The following TJP2 variants were observed in gnomAD, a reference collection of about 807,000 sequenced individuals.
TJP2 encodes tight junction protein 2.
A neutral mutation model predicts 133.1 loss-of-function variants in TJP2; 91 were observed. That is an observed-to-expected ratio of 0.68 (90% CI 0.58 to 0.81). The LOEUF is 0.81. TJP2 is among the 40% of genes least tolerant of loss of function. The probability of loss-of-function intolerance (pLI) is 0.00; values close to 1 mark genes in which losing one functional copy is unlikely to be tolerated. For missense variants in TJP2, 1,541 were observed against 1,565.6 expected, an observed-to-expected ratio of 0.98 and a Z score of 0.26; for synonymous variants, 592 against 583.4, an observed-to-expected ratio of 1.01 and a Z score of -0.21.
intron 2 of TJP2, among the ~76,000 whole-genome samples, chr9:69,163,992 G>C (rs1824222475): frequency 6.6e-6 from 1 of 152,114 alleles, no homozygotes; most frequent in Non-Finnish European, 1.5e-5. Context: ...AGGGACCTAG[G>C]ACACTGGTTT....
chr9:69,228,644 A>G (rs1829531834), intron 9 of TJP2, among the ~76,000 whole-genome samples: 1 of 152,240 alleles, frequency 6.6e-6, no homozygotes, highest in South Asian at 2.1e-4. Flanking sequence ...ACTTAATTCC[A>G]GAGGGTGGCT....
At chr9:69,201,506 C>T (rs1299109893) in intron 1 of TJP2, among the ~76,000 whole-genome samples, 5 of 152,104 alleles carry the variant, frequency 3.3e-5, no homozygotes, top group Non-Finnish European at 7.3e-5. Context: ...CCCTGGCCAA[C>T]CTGCCTTGAT....
At chr9:69,201,741 A>G (rs2133126334) in intron 1 of TJP2, among the ~76,000 whole-genome samples, 1 of 152,344 alleles carries the variant, frequency 6.6e-6, no homozygotes, top group African/African-American at 2.4e-5. Context: ...TAAACAAAAT[A>G]TGTCATATAC....
chr9:69,215,564 C>A (rs1349365880), intron 2 of TJP2, among the ~76,000 whole-genome samples: 1 of 151,846 alleles, frequency 6.6e-6, no homozygotes, highest in East Asian at 1.9e-4. Context: ...TTTTCTATTT[C>A]TAGTAAAGAC....
intron 15 of TJP2, 110 bp downstream of exon 15, chr9:69,238,083 G>T: frequency 1.3e-6 from 1 of 767,076 alleles, no homozygotes. Context: ...GGAATCACCA[G>T]TTGCTGACAT....
chr9:69,133,161 C>T (rs1187496484), intron 1 of TJP2, among the ~76,000 whole-genome samples: 1 of 152,094 alleles, frequency 6.6e-6, no homozygotes, highest in African/African-American at 2.4e-5. Flanking sequence ...AGGGTTTTAC[C>T]ATATTGCCCA....
intron 1 of TJP2, among the ~76,000 whole-genome samples, chr9:69,183,825 C>T (rs186282013): frequency 7.2e-5 from 11 of 152,260 alleles, no homozygotes; most frequent in Non-Finnish European, 1.5e-4. Flanking sequence ...ACCTGTGCCT[C>T]CCAGGTTCAA....
chr9:69,132,171 C>T (rs1411190689), intron 1 of TJP2, among the ~76,000 whole-genome samples: 1 of 152,220 alleles, frequency 6.6e-6, no homozygotes, highest in African/African-American at 2.4e-5. Context: ...GATTGTTACA[C>T]TGGTGTCCTC....
chr9:69,123,806 C>T (rs138407063), intron 1 of TJP2, among the ~76,000 whole-genome samples: 2,325 of 77,206 alleles, frequency 0.03, 859 homozygotes, highest in African/African-American at 0.085. Flanking sequence ...TAACTGGCCT[C>T]ATTTTAGGTG....
At chr9:69,250,438 T>C (rs533135443) in intron 20 of TJP2, among the ~76,000 whole-genome samples, 1 of 152,290 alleles carries the variant, frequency 6.6e-6, no homozygotes, top group South Asian at 2.1e-4. Flanking sequence ...AAAGCCATAA[T>C]TGATTGTGTG....
chr9:69,144,166 A>G (rs1261192610), intron 1 of TJP2, among the ~76,000 whole-genome samples: 1 of 152,112 alleles, frequency 6.6e-6, no homozygotes, highest in Non-Finnish European at 1.5e-5. Flanking sequence ...CGTGCCCAGC[A>G]ACACTCAAAT....
In TJP2 at chr9:69,239,965, C is replaced by T. The variant is rs139867659; in HGVS notation, c.2384C>T (p.Pro795Leu). Residue 795 changes from proline to leucine, a missense_variant, in exon 17 of 23, where the codon CCG becomes CTG. Physicochemically the swap from Pro to Leu is moderately conservative, Grantham distance 98. Coordinates refer to ENST00000377245, the MANE Select transcript of TJP2 (RefSeq NM_004817.4). Reference protein sequence around the residue: ...QDKHALLDVTPKAVDLLNYTQ... With the variant: ...QDKHALLDVTLKAVDLLNYTQ... ...AAGCATGCACTACTGGATGTGACTCCGAAAGCTGTGGACCTGTTGAATTAC... is the reference window on the plus strand; with the variant it reads ...AAGCATGCACTACTGGATGTGACTCTGAAAGCTGTGGACCTGTTGAATTAC... The T allele has an allele frequency of 1.8e-4, 297 of 1,614,120 alleles. 3 individuals are homozygous for T. In the South Asian group the frequency reaches 2.6e-3, roughly 14 times the overall value.
intron 2 of TJP2, 119 bp from the exon 3 acceptor site, chr9:69,216,220 C>T: frequency 8.3e-7 from 1 of 1,205,952 alleles, no homozygotes. Flanking sequence ...TCTGTAAGCC[C>T]ATCTGTTCCT....
chr9:69,237,158 T>A, intron 14 of TJP2, 22 bp downstream of exon 14: 1 of 1,613,814 alleles, frequency 6.2e-7, no homozygotes, highest in Non-Finnish European at 8.5e-7. Flanking sequence ...ACATGGGGCC[T>A]GGAAATGAAC....
At chr9:69,148,740 A>G (rs1823333265) in intron 1 of TJP2, among the ~76,000 whole-genome samples, 1 of 152,188 alleles carries the variant, frequency 6.6e-6, no homozygotes, top group Non-Finnish European at 1.5e-5. Context: ...GTACAGTTGC[A>G]TGATTGGCCA....
At chr9:69,234,119 G>A (rs143945733) in intron 11 of TJP2, among the ~76,000 whole-genome samples, 44 of 152,306 alleles carry the variant, frequency 2.9e-4, no homozygotes, top group African/African-American at 1.1e-3. Flanking sequence ...AAGGGAGATG[G>A]ATAGAAACAA....
At chr9:69,169,119 T>C (rs577873753) in intron 2 of TJP2, among the ~76,000 whole-genome samples, 1 of 152,182 alleles carries the variant, frequency 6.6e-6, no homozygotes, top group African/African-American at 2.4e-5. Context: ...CTCAGCACTT[T>C]AGTCATCTCT....
At chr9:69,201,326 AGTT>A (rs1331037898) in intron 1 of TJP2, among the ~76,000 whole-genome samples, 1 of 152,178 alleles carries the variant, frequency 6.6e-6, no homozygotes, top group African/African-American at 2.4e-5. Flanking sequence ...AGCAGGCTGC[AGTT>A]GTTCTTACGT....
At chr9:69,200,420 CTG>C (rs1453751994) in intron 1 of TJP2, among the ~76,000 whole-genome samples, 10 of 152,094 alleles carry the variant, frequency 6.6e-5, no homozygotes, top group Admixed American at 5.9e-4. Context: ...CAGGATCTCA[CTG>C]TATTGCCAAG....
Sources: allele counts gnomAD v4.1 joint callset (sites outside exome capture counted in the v4.1 genomes callset), GRCh38; gene constraint gnomAD v4.1.1; transcripts MANE v1.5; gene names NCBI Gene and HGNC (gene_info 2026-07-23, HGNC 2026-07-21).